Variants in CSDE1 observed in about 807,000 individuals in gnomAD.
CSDE1 encodes cold shock domain containing E1.
CSDE1 carries 17 observed loss-of-function variants against 89.3 expected under a neutral mutation model. The ratio of observed to expected loss-of-function variants is 0.19; its 90% confidence interval spans 0.13 to 0.29. The LOEUF (loss-of-function observed/expected upper bound fraction) is 0.29, where lower values mean the gene tolerates loss of function less well. CSDE1 is among the 10% of genes least tolerant of loss of function. CSDE1 has a pLI of 1.00. For missense variants in CSDE1, 672 were observed against 984.2 expected (o/e 0.68, Z 4.24); for synonymous variants, 322 against 332.8 (o/e 0.97, Z 0.35).
chr1:114,718,765 T>C lies in CSDE1; in HGVS notation c.2217-20A>G, dbSNP rs1477543261. Reference sequence around the variant, plus strand: ...CCCTCACTGTAATTAAGTCAAAAGATGAGAAGAAACCACACTTGGTGGGCA... The same window carrying C: ...CCCTCACTGTAATTAAGTCAAAAGACGAGAAGAAACCACACTTGGTGGGCA... On this transcript the variant is annotated intron_variant, in intron 18 of 19. Transcript: ENST00000358528. The C allele has an allele frequency of 6.2e-7, 1 of 1,611,912 alleles. No individual in the cohort carries two copies. Among genetic ancestry groups the C allele is most frequent in the Non-Finnish European group, 8.5e-7 (1 of 1,179,058 alleles).
intron 1 of CSDE1, among the ~76,000 whole-genome samples, chr1:114,750,627 A>G (rs573969929): frequency 6.6e-6 from 1 of 152,324 alleles, no homozygotes; most frequent in East Asian, 1.9e-4. Context: ...AAATGCCAAA[A>G]ATTATTTTGC....
chr1:114,732,888 C>T, intron 9 of CSDE1, 72 bp from the exon 10 acceptor site: 1 of 1,296,340 alleles, frequency 7.7e-7, no homozygotes, highest in African/African-American at 1.5e-5. Flanking sequence ...ACAAGAAGAA[C>T]ACATAGTAAA....
intron 14 of CSDE1, among the ~76,000 whole-genome samples, chr1:114,725,866 G>A (rs1326397747): frequency 6.6e-6 from 1 of 152,076 alleles, no homozygotes; most frequent in Non-Finnish European, 1.5e-5. Context: ...GAACTCCTGG[G>A]CTCAAGGGAT....
At chr1:114,741,679 A>G (rs1355488046) in intron 2 of CSDE1, 90 of 1,531,154 alleles carry the variant, frequency 5.9e-5, no homozygotes, top group Non-Finnish European at 7.7e-5. Flanking sequence ...AACAGCTGTT[A>G]TAACATAGCA....
At chr1:114,756,282 A>G (rs1558012501) in intron 1 of CSDE1, among the ~76,000 whole-genome samples, 1 of 152,236 alleles carries the variant, frequency 6.6e-6, no homozygotes, top group African/African-American at 2.4e-5. Flanking sequence ...CAGCTGCAAA[A>G]CCAAACTATT....
intron 3 of CSDE1, 65 bp downstream of exon 3, chr1:114,739,627 G>T (rs768819895): frequency 1.4e-6 from 2 of 1,402,130 alleles, no homozygotes; most frequent in Non-Finnish European, 2.0e-6. Flanking sequence ...AAACACTCAT[G>T]AACAAATTGA....
intron 2 of CSDE1, 109 bp downstream of exon 2, chr1:114,749,712 G>A (rs1233934012): frequency 1.3e-5 from 2 of 152,356 alleles, no homozygotes; most frequent in Non-Finnish European, 2.9e-5. Context: ...TAGAAAAACT[G>A]TCTTCTGAAT....
At chr1:114,753,081 G>T (rs199569143) in intron 1 of CSDE1, among the ~76,000 whole-genome samples, 1 of 152,106 alleles carries the variant, frequency 6.6e-6, no homozygotes, top group African/African-American at 2.4e-5. Context: ...ATCCAATCAA[G>T]AAATAATCTC....
At chr1:114,726,129 A>T (rs1337264921) in intron 14 of CSDE1, 82 bp downstream of exon 14, 9 of 1,339,074 alleles carry the variant, frequency 6.7e-6, no homozygotes, top group East Asian at 2.3e-5. Context: ...AAGTATAATC[A>T]ATCAATACTA....
At chr1:114,743,630 G>A (rs1660856460) in intron 2 of CSDE1, among the ~76,000 whole-genome samples, 2 of 152,136 alleles carry the variant, frequency 1.3e-5, no homozygotes, top group South Asian at 4.1e-4. Flanking sequence ...CATCACTGCA[G>A]GTAGGAGATA....
chr1:114,727,214 C>T (rs1322614409), intron 12 of CSDE1, 124 bp from the exon 13 acceptor site: 2 of 602,642 alleles, frequency 3.3e-6, no homozygotes, highest in Non-Finnish European at 5.7e-6. Flanking sequence ...TGTCTTATTC[C>T]AGCATTTTCT....
intron 6 of CSDE1, among the ~76,000 whole-genome samples, chr1:114,735,076 CTTTAA>C (rs1557999181): frequency 3.9e-5 from 6 of 151,980 alleles, no homozygotes; most frequent in Non-Finnish European, 8.8e-5. Context: ...AATGAAGTGA[CTTTAA>C]GAGAACTTGC....
intron 1 of CSDE1, 51 bp downstream of exon 1, chr1:114,757,874 C>A (rs573982194): frequency 6.5e-6 from 1 of 152,880 alleles, no homozygotes; most frequent in African/African-American, 2.4e-5. Context: ...TATTCTCAGC[C>A]CTTCCCCTGG....
At chr1:114,724,028 T>G (rs1659668326) in intron 15 of CSDE1, 26 bp from the exon 16 acceptor site, 9 of 1,601,678 alleles carry the variant, frequency 5.6e-6, no homozygotes, top group Non-Finnish European at 7.7e-6. Flanking sequence ...AGGTACATCT[T>G]TCAATTTTAT....
At chr1:114,751,208 G>C (rs2101088112) in intron 1 of CSDE1, among the ~76,000 whole-genome samples, 1 of 152,250 alleles carries the variant, frequency 6.6e-6, no homozygotes, top group African/African-American at 2.4e-5. Flanking sequence ...CTATAGAAGA[G>C]AAATAAAATT....
chr1:114,732,495 C>A (rs1660157214), intron 10 of CSDE1, 109 bp downstream of exon 10: 13 of 901,130 alleles, frequency 1.4e-5, no homozygotes, highest in South Asian at 4.8e-5. Flanking sequence ...AAGGTAAATG[C>A]CCATTAGGGT....
chr1:114,744,774 G>C (rs1014990155), intron 2 of CSDE1, among the ~76,000 whole-genome samples: 111 of 152,074 alleles, frequency 7.3e-4, no homozygotes, highest in African/African-American at 2.5e-3. Context: ...GGGGAAAAGT[G>C]TAAATACACC....
chr1:114,733,587 T>C, intron 9 of CSDE1, 145 bp downstream of exon 9: 1 of 565,870 alleles, frequency 1.8e-6, no homozygotes, highest in Non-Finnish European at 2.8e-6. Context: ...GTTTCTCTTT[T>C]AGTTTAAATA....
chr1:114,739,311 G>GT (rs2101055845), intron 3 of CSDE1, among the ~76,000 whole-genome samples: 1 of 152,300 alleles, frequency 6.6e-6, no homozygotes, highest in Non-Finnish European at 1.5e-5. Flanking sequence ...GATTACAGGC[G>GT]TAAGCCACCG....
Sources: gnomAD v4.1 joint callset for allele counts (sites outside exome capture counted in the v4.1 genomes callset) on GRCh38, gnomAD v4.1.1 for gene constraint, MANE v1.5 for transcripts, NCBI Gene and HGNC (gene_info 2026-07-23, HGNC 2026-07-21) for gene names.